AOPEP: variants seen among roughly 807,000 people sequenced by gnomAD.
AOPEP encodes the protein aminopeptidase O (putative), also known as aminopeptidase O.
In AOPEP, 77 loss-of-function variants were observed where a neutral mutation model predicts 98.1. The ratio of observed to expected loss-of-function variants is 0.78; its 90% CI spans 0.65 to 0.95. AOPEP has a LOEUF of 0.95. Among genes scored for constraint, AOPEP ranks in the 40% least tolerant of loss-of-function variants. The pLI is 0.00. For missense variants in AOPEP, 1,024 were observed against 1,024.7 expected, an observed-to-expected ratio of 1.00 and a Z score of 0.01; for synonymous variants, 346 against 365.3, an observed-to-expected ratio of 0.95 and a Z score of 0.60.
At chr9:95,124,309 T>C in the AOPEP span, among the ~76,000 whole-genome samples, 1 of 152,022 alleles carries the variant, frequency 6.6e-6, no homozygotes, top group African/African-American at 2.4e-5. Flanking sequence ...AGGCAATGTG[T>C]CCCATAAACA....
intron 5 of AOPEP, among the ~76,000 whole-genome samples, chr9:94,805,391 AAGGGTTTTTGACATCGTTGGTCAC>A (rs1169608531): frequency 6.6e-6 from 1 of 152,064 alleles, no homozygotes; most frequent in Non-Finnish European, 1.5e-5. Context: ...GATTCTTTGC[AAGGGTTTTTGACATCGTTGGTCAC>A]AGAGAGGGAA....
rs146858180 is a variant in AOPEP at position 95,030,201 on chromosome 9, G to A, written c.2115+24585G>A. ...AAATTTCAAAATTACCAGTAATCCA[G>A]TCACTCAACCAGCACTTTTAGTATT... On this transcript the variant is annotated intron_variant, in intron 13 of 16. Coordinates refer to ENST00000375315, the MANE Select transcript of AOPEP (RefSeq NM_001193329.3). Among the ~76,000 whole-genome samples the A allele has an allele frequency of 4.6e-3, 698 of 152,274 alleles. 1 individual carries two copies. The highest frequency in any genetic ancestry group is 6.9e-3 in the Non-Finnish European group (471 of 68,024).
the AOPEP span, chr9:95,100,903 C>G: frequency 1.7e-5 from 4 of 232,664 alleles, no homozygotes; most frequent in African/African-American, 8.8e-5. Context: ...GTGCTGGGAT[C>G]ACAGGTGTGA....
intron 5 of AOPEP, among the ~76,000 whole-genome samples, chr9:94,857,974 TG>T (rs2044443202): frequency 6.6e-6 from 1 of 151,978 alleles, no homozygotes; most frequent in Non-Finnish European, 1.5e-5. Context: ...CGTACCCTGG[TG>T]TGATTATAGC....
intron 5 of AOPEP, among the ~76,000 whole-genome samples, chr9:94,882,901 A>T (rs1588689403): frequency 6.6e-6 from 1 of 152,310 alleles, no homozygotes; most frequent in East Asian, 1.9e-4. Flanking sequence ...TGGACCCATA[A>T]TTTTTACGGA....
rs766060185 is a variant in AOPEP at position 95,005,188 on chromosome 9, G to A, written c.2008G>A (p.Glu670Lys). The A allele has an allele frequency of 8.7e-6, 10 of 1,148,940 alleles. No individual in the cohort carries two copies. In the South Asian group the frequency reaches 2.3e-4, roughly 27 times the overall value. 71.2% of individuals were successfully genotyped at this position (1,148,940 alleles called of 1,614,324 possible). Residue 670 changes from glutamate (E) to lysine (K), a missense_variant, in exon 12 of 17, where the codon GAG becomes AAG. Transcript: ENST00000375315. ...PLQRERRAGA[E>K]CGLARQVRAE... Reference sequence around the variant, plus strand: ...GCAGAGGGAGCGTCGCGCCGGGGCGGAGTGCGGGCTTGCGCGGCAAGTGCG... The same window carrying A: ...GCAGAGGGAGCGTCGCGCCGGGGCGAAGTGCGGGCTTGCGCGGCAAGTGCG...
intron 2 of AOPEP, among the ~76,000 whole-genome samples, chr9:94,770,485 A>G (rs773248120): frequency 1.1e-4 from 16 of 152,186 alleles, no homozygotes; most frequent in Non-Finnish European, 2.2e-4. Flanking sequence ...AAGGTGTGCC[A>G]GGAGCTGGAA....
Position 94,749,422 on chromosome 9 carries a change from A to G in AOPEP, c.-135-10227A>G, listed in dbSNP as rs1175450652. Among the ~76,000 whole-genome samples, 7 of 152,142 alleles carry G rather than the reference A, an allele frequency of 4.6e-5. No homozygotes were observed. In the East Asian group the frequency reaches 1.3e-3, roughly 29 times the overall value. ...GAGGGCTGTTTCCTTTTGTTGGAAA[A>G]TGGTATTTAGAAACCAAGATCTAGG... On this transcript the variant is annotated intron_variant, in intron 1 of 16. Transcript: ENST00000375315.
chr9:95,046,727 A>G (rs916525636), intron 13 of AOPEP, among the ~76,000 whole-genome samples: 2 of 152,172 alleles, frequency 1.3e-5, no homozygotes, highest in Admixed American at 6.5e-5. Context: ...TCAGTTGCTC[A>G]CCGTGTTTAT....
intron 7 of AOPEP, among the ~76,000 whole-genome samples, chr9:94,953,575 TG>T (rs1194496821): frequency 1.3e-5 from 2 of 152,160 alleles, no homozygotes; most frequent in African/African-American, 2.4e-5. Context: ...TCAGGGAAGG[TG>T]GGTAGGATTA....
intron 5 of AOPEP, among the ~76,000 whole-genome samples, chr9:94,899,621 G>A (rs539951503): frequency 4.0e-5 from 6 of 151,794 alleles, no homozygotes; most frequent in African/African-American, 1.2e-4. Context: ...GTGGCGGTGT[G>A]CACCTGTAGT....
At chr9:94,839,452 T>A (rs1281709834) in intron 5 of AOPEP, among the ~76,000 whole-genome samples, 1 of 152,116 alleles carries the variant, frequency 6.6e-6, no homozygotes, top group East Asian at 1.9e-4. Flanking sequence ...CTTGATCTCT[T>A]GACCTCATGA....
intron 1 of AOPEP, among the ~76,000 whole-genome samples, chr9:94,731,283 A>G (rs1587930095): frequency 1.3e-5 from 2 of 150,506 alleles, no homozygotes; most frequent in Admixed American, 6.6e-5. Context: ...GCTGGAGTGC[A>G]GTGGCGCGAT....
intron 13 of AOPEP, among the ~76,000 whole-genome samples, chr9:95,052,380 A>G (rs2066457536): frequency 6.6e-6 from 1 of 152,178 alleles, no homozygotes; most frequent in African/African-American, 2.4e-5. Flanking sequence ...TTAAACTCAA[A>G]AGGAGAGGAT....
intron 5 of AOPEP, among the ~76,000 whole-genome samples, chr9:94,859,163 A>G (rs536719993): frequency 2.6e-5 from 4 of 152,268 alleles, no homozygotes; most frequent in Non-Finnish European, 4.4e-5. Context: ...GTTCTTTACC[A>G]TGTGAGGATG....
intron 7 of AOPEP, among the ~76,000 whole-genome samples, chr9:94,937,563 A>G (rs565368300): frequency 1.1e-4 from 16 of 152,348 alleles, no homozygotes; most frequent in African/African-American, 3.8e-4. Flanking sequence ...AACCCAGTTC[A>G]GTCATAGCTC....
At chr9:95,101,207 G>C in the AOPEP span, 2 of 256,222 alleles carry the variant, frequency 7.8e-6, no homozygotes, top group Non-Finnish European at 1.5e-5. Flanking sequence ...GAGGGACCCT[G>C]ACTCCCCTTG....
the AOPEP span, chr9:95,111,180 G>T: frequency 1.3e-6 from 2 of 1,535,992 alleles, no homozygotes; most frequent in Non-Finnish European, 1.7e-6. Flanking sequence ...AGATATGGCA[G>T]CTGAGCAATA....
intron 13 of AOPEP, among the ~76,000 whole-genome samples, chr9:95,050,077 AC>A (rs2066211270): frequency 6.6e-6 from 1 of 152,212 alleles, no homozygotes; most frequent in Admixed American, 6.5e-5. Context: ...CATTTTTATA[AC>A]GCTATTTCAG....
Sources: gnomAD v4.1 joint callset for allele counts (sites outside exome capture counted in the v4.1 genomes callset) on GRCh38, gnomAD v4.1.1 for gene constraint, MANE v1.5 for transcripts, NCBI Gene and HGNC (gene_info 2026-07-23, HGNC 2026-07-21) for gene names.